The following IL1RAPL2 variants were observed in gnomAD, a reference collection of about 807,000 sequenced individuals.
IL1RAPL2 encodes X-linked interleukin-1 receptor accessory protein-like 2.
In IL1RAPL2, 3 loss-of-function variants were observed where a neutral mutation model predicts 44.1. The observed-to-expected ratio is 0.07, with a 90% confidence interval of 0.03 to 0.18. The LOEUF is 0.18. IL1RAPL2 is among the 10% of genes least tolerant of loss of function. IL1RAPL2 has a pLI of 1.00. For synonymous variants in IL1RAPL2, 181 were observed against 178.8 expected (o/e 1.01, Z -0.10); for missense variants, 391 against 496.4 (o/e 0.79, Z 2.02).
chrX:104,797,137 A>G (rs987179792), intron 2 of IL1RAPL2, among the ~76,000 whole-genome samples: 1 of 99,902 alleles, frequency 1.0e-5, no homozygotes, highest in Non-Finnish European at 2.0e-5. Context: ...CCAAAAGACC[A>G]AGTACCATTT....
intron 5 of IL1RAPL2, among the ~76,000 whole-genome samples, chrX:105,309,490 G>A (rs2034778338): frequency 9.2e-6 from 1 of 108,786 alleles, no homozygotes. Context: ...CCAGCACTTT[G>A]GGAGGCCAAG....
At chrX:104,635,305 C>T (rs892173858) in intron 1 of IL1RAPL2, among the ~76,000 whole-genome samples, 1 of 110,399 alleles carries the variant, frequency 9.1e-6, no homozygotes, top group Non-Finnish European at 1.9e-5. Context: ...TTTGGTGAAT[C>T]TGACAATTTT....
At chrX:104,717,244 C>A (rs1197196470) in intron 2 of IL1RAPL2, among the ~76,000 whole-genome samples, 1 of 110,406 alleles carries the variant, frequency 9.1e-6, no homozygotes. Flanking sequence ...TAGAGGGGAA[C>A]AAGACACATT....
At chrX:105,277,932 C>T (rs111263836) in intron 5 of IL1RAPL2, among the ~76,000 whole-genome samples, 4 of 111,056 alleles carry the variant, frequency 3.6e-5, no homozygotes, top group African/African-American at 1.3e-4. Flanking sequence ...CCTTTCTTTC[C>T]CTTATTTCCT....
chrX:105,422,688 A>T (rs1313323435), intron 5 of IL1RAPL2, among the ~76,000 whole-genome samples: 1 of 111,873 alleles, frequency 8.9e-6, no homozygotes, highest in Non-Finnish European at 1.9e-5. Context: ...AGAACAAAGG[A>T]TCAGCAACGT....
At chrX:104,950,249 C>G (rs891154775) in intron 2 of IL1RAPL2, among the ~76,000 whole-genome samples, 3 of 111,852 alleles carry the variant, frequency 2.7e-5, no homozygotes, top group Non-Finnish European at 5.6e-5. Context: ...CAACCCCTGC[C>G]TTTTTTTGTT....
intron 7 of IL1RAPL2, among the ~76,000 whole-genome samples, chrX:105,734,114 G>C (rs2038427829): frequency 9.0e-6 from 1 of 110,510 alleles, no homozygotes; most frequent in Admixed American, 9.6e-5. Context: ...TTCTTAAATA[G>C]GGCCTGAGCT....
At chrX:104,893,275 G>T (rs1192985709) in intron 2 of IL1RAPL2, among the ~76,000 whole-genome samples, 1 of 111,913 alleles carries the variant, frequency 8.9e-6, no homozygotes, top group Non-Finnish European at 1.9e-5. Context: ...CTGTTGATTT[G>T]GGGTGGAGAG....
intron 6 of IL1RAPL2, among the ~76,000 whole-genome samples, chrX:105,602,322 G>A (rs183244970): frequency 1.3e-4 from 14 of 109,746 alleles, no homozygotes; most frequent in Middle Eastern, 4.7e-3. Context: ...CCAAGCACTA[G>A]CTCACATGGC....
At chrX:104,591,947 T>C (rs1347870218) in intron 1 of IL1RAPL2, among the ~76,000 whole-genome samples, 3 of 110,218 alleles carry the variant, frequency 2.7e-5, no homozygotes, top group Non-Finnish European at 5.7e-5. Context: ...AGGTCTGAAG[T>C]TGTGATATCG....
rs1602489862 is a variant in IL1RAPL2, at chrX:105,614,561, C to T, written c.773-102806C>T. On this transcript the variant is annotated intron_variant, in intron 6 of 10. Transcript: ENST00000372582. ...AGTGAACTCAATTTGGACTTAGGTG[C>T]CAAGAACCTACCATGGGGAAAGGGC... 2.7e-5 allele frequency among the ~76,000 whole-genome samples: 3 copies of T among 111,144 alleles called. 1 individual carries two copies. In the Admixed American group the frequency reaches 2.9e-4, roughly 11 times the overall value.
chrX:104,710,063 G>A (rs748333931), intron 2 of IL1RAPL2, among the ~76,000 whole-genome samples: 1 of 111,431 alleles, frequency 9.0e-6, no homozygotes, highest in South Asian at 3.8e-4. Context: ...AGTTACTGTG[G>A]AAAGCAGTTT....
Position 105,428,729 on chromosome X carries a change from A to C in IL1RAPL2, c.698-55584A>C. ...TTGCTGATCTGGATGCTTTGAGGATATAATGTCCCTCCTATAGAACTAATC... is the reference window on the plus strand; with the variant it reads ...TTGCTGATCTGGATGCTTTGAGGATCTAATGTCCCTCCTATAGAACTAATC... On this transcript the variant is annotated intron_variant, in intron 5 of 10. Coordinates refer to ENST00000372582, the MANE Select transcript of IL1RAPL2 (RefSeq NM_017416.2). Among the ~76,000 whole-genome samples the C allele has an allele frequency of 3.6e-5, 4 of 112,009 alleles. 1 individual carries two copies. In the Middle Eastern group the frequency reaches 0.018, roughly 514 times the overall value.
chrX:104,682,696 G>A (rs1364965906), intron 2 of IL1RAPL2, among the ~76,000 whole-genome samples: 1 of 111,891 alleles, frequency 8.9e-6, no homozygotes, highest in African/African-American at 3.2e-5. Context: ...AACATATTTA[G>A]AGGTTTGGAA....
At chrX:104,605,618 A>G (rs1057431334) in intron 1 of IL1RAPL2, among the ~76,000 whole-genome samples, 1 of 112,049 alleles carries the variant, frequency 8.9e-6, no homozygotes, top group Middle Eastern at 4.2e-3. Flanking sequence ...TAGATGCAAT[A>G]AAGAGTGATA....
rs1301691093 is a variant in IL1RAPL2, at chrX:104,921,117, G to T, written c.82+262122G>T. On this transcript the variant is annotated intron_variant, in intron 2 of 10. Transcript: ENST00000372582. ...ACAGGAATTCCTCCAGACTCCTTCA[G>T]ACCTTTGGACTGGCAGAGGGAGCTG... is the stretch of plus-strand genomic sequence containing the variant. Among the ~76,000 whole-genome samples, 3 of 111,834 alleles carry T rather than the reference G, an allele frequency of 2.7e-5. No individual in the cohort carries two copies. In the South Asian group the frequency reaches 1.1e-3, roughly 43 times the overall value.
chrX:105,039,392 A>C lies in IL1RAPL2; in HGVS notation c.83-156083A>C, dbSNP rs1436836238. 6.3e-5 allele frequency among the ~76,000 whole-genome samples: 7 copies of C among 111,677 alleles called. No individual in the cohort carries two copies. In the Admixed American group the frequency reaches 6.6e-4, roughly 11 times the overall value. The stretch of plus-strand genomic sequence containing the variant: ...TTATGCAAGATCAGTGACATCCTCA[A>C]CTCCAAGTCTGCACAAATGTAAGAA... On this transcript the variant is annotated intron_variant, in intron 2 of 10. Coordinates refer to ENST00000372582, the MANE Select transcript of IL1RAPL2 (RefSeq NM_017416.2).
chrX:105,291,917 G>A (rs758910800), intron 5 of IL1RAPL2, among the ~76,000 whole-genome samples: 1 of 110,975 alleles, frequency 9.0e-6, no homozygotes, highest in African/African-American at 3.3e-5. Context: ...AGTATTAGTG[G>A]AATATGAAAC....
chrX:104,885,470 T>C (rs904138974), intron 2 of IL1RAPL2, among the ~76,000 whole-genome samples: 2 of 111,920 alleles, frequency 1.8e-5, no homozygotes, highest in African/African-American at 3.3e-5. Flanking sequence ...TAAGAAAATA[T>C]ACTCCCCTGT....
Sources: allele counts gnomAD v4.1 joint callset (sites outside exome capture counted in the v4.1 genomes callset), GRCh38; gene constraint gnomAD v4.1.1; transcripts MANE v1.5; gene names NCBI Gene and HGNC (gene_info 2026-07-23, HGNC 2026-07-21).